The following OTOG variants were observed in gnomAD, a reference collection of about 807,000 sequenced individuals.
OTOG encodes the protein otogelin.
In OTOG, 296 loss-of-function variants were observed where a neutral mutation model predicts 313.8. That is an observed-to-expected ratio of 0.94 (90% CI 0.86 to 1.04). The LOEUF (loss-of-function observed/expected upper bound fraction) is 1.04. OTOG is among the 50% of genes least tolerant of loss of function. The pLI is 0.00. For synonymous variants in OTOG, 1,533 were observed against 1,554.9 expected, an observed-to-expected ratio of 0.99 and a Z score of 0.33; for missense variants, 3,948 against 3,840.1, an observed-to-expected ratio of 1.03 and a Z score of -0.74.
In OTOG at chr11:17,594,966, C is replaced by T. The variant is rs112268554; in HGVS notation, c.3408+800C>T. On this transcript the variant is annotated intron_variant, in intron 28 of 55. Coordinates refer to ENST00000399397, the MANE Select transcript of OTOG (RefSeq NM_001292063.2). ...GCTCAGCTGGAAGGAGGACTGTGAT[C>T]GATTATTTATGTCTGCCATAGGAGC... is the stretch of plus-strand genomic sequence containing the variant. Among the ~76,000 whole-genome samples the T allele has an allele frequency of 3.4e-3, 518 of 152,250 alleles. 3 individuals carry two copies. The highest frequency in any genetic ancestry group is 0.012 in the African/African-American group (487 of 41,524).
intron 23 of OTOG, among the ~76,000 whole-genome samples, chr11:17,584,272 T>G (rs545761996): frequency 6.6e-6 from 1 of 152,318 alleles, no homozygotes; most frequent in South Asian, 2.1e-4. Flanking sequence ...ACTTCTTTAT[T>G]TTAAATTTTT....
At chr11:17,548,233 G>A in intron 3 of OTOG, 21 bp downstream of exon 3, 1 of 1,534,770 alleles carries the variant, frequency 6.5e-7, no homozygotes, top group Non-Finnish European at 8.8e-7. Context: ...TCTTGGGAGG[G>A]GGCTTCATTG....
chr11:17,552,585 T>TGTCCTGTGTCC (rs1851964810), intron 4 of OTOG, among the ~76,000 whole-genome samples: 69 of 59,164 alleles, frequency 1.2e-3, no homozygotes, highest in African/African-American at 2.4e-3. Flanking sequence ...GTCCTGTGTC[T>TGTCCTGTGTCC]CCCACCTGTC....
intron 39 of OTOG, 101 bp from the exon 40 acceptor site, chr11:17,629,032 G>T: frequency 8.4e-7 from 1 of 1,193,836 alleles, no homozygotes; most frequent in South Asian, 1.5e-5. Context: ...CAGATGATGG[G>T]TGGATGGATG....
rs376082256 is a variant in OTOG, at chr11:17,612,079, G to A, written c.6124-83G>A. 55 of 1,485,754 alleles carry A rather than the reference G, an allele frequency of 3.7e-5. No individual in the cohort carries two copies. The East Asian group carries it at 4.2e-4, about 11-fold the overall frequency. 92.0% of individuals were successfully genotyped at this position (1,485,754 alleles called of 1,614,324 possible). A position where few individuals can be genotyped will look rare whatever the true frequency, so the allele number is the denominator to read the frequency against. ...CCTGCCCCGCTAGGACCTACATGTG[G>A]GAAGGATCTGGTGCCATCACAGCTT... On this transcript the variant is annotated intron_variant, in intron 36 of 55. Transcript: ENST00000399397.
chr11:17,609,828 A>C lies in OTOG; in HGVS notation c.4528A>C (p.Asn1510His). The C allele has an allele frequency of 6.5e-7, 1 of 1,531,704 alleles. No homozygotes were observed. The highest frequency in any genetic ancestry group is 8.8e-7 in the Non-Finnish European group (1 of 1,135,490). 94.9% of individuals were successfully genotyped at this position (1,531,704 alleles called of 1,614,324 possible). A position where few individuals can be genotyped will look rare whatever the true frequency, so the allele number is the denominator to read the frequency against. Reference protein sequence around the residue: ...TPAAPLTTALNPPVTATEEPV... With the variant: ...TPAAPLTTALHPPVTATEEPV... ...AGCTGCCCCACTCACCACAGCCCTG[A>C]ACCCACCAGTGACAGCCACTGAGGA... Residue 1510 changes from asparagine (N) to histidine (H), a missense_variant, in exon 36 of 56, where the codon AAC (asparagine) becomes CAC (histidine). Asn to His is a moderately conservative substitution (Grantham distance 68). Coordinates refer to ENST00000399397, the MANE Select transcript of OTOG (RefSeq NM_001292063.2).
chr11:17,549,012 C>T (rs1036749784), intron 3 of OTOG, among the ~76,000 whole-genome samples: 6 of 152,138 alleles, frequency 3.9e-5, no homozygotes, highest in Admixed American at 6.5e-5. Context: ...CCACTGAGCC[C>T]GGCCTCTATC....
At chr11:17,627,650 G>A (rs1466258868) in intron 39 of OTOG, among the ~76,000 whole-genome samples, 1 of 151,664 alleles carries the variant, frequency 6.6e-6, no homozygotes, top group Non-Finnish European at 1.5e-5. Flanking sequence ...AGTGTGAGTA[G>A]GATTGGTATT....
chr11:17,608,359 C>A lies in OTOG; in HGVS notation c.4220C>A (p.Pro1407His). 1.3e-6 allele frequency: 2 copies of A among 1,547,622 alleles called. No homozygotes were observed. The highest frequency in any genetic ancestry group is 2.4e-5 in the South Asian group (2 of 83,262). Residue 1407 changes from proline to histidine, a missense_variant, in exon 34 of 56, where the codon CCC (proline) becomes CAC (histidine). Physicochemically the swap from Pro to His is moderately conservative, Grantham distance 77 (BLOSUM62 -2). Transcript: ENST00000399397. Reference protein sequence around the residue: ...CEWRYDACASPCFQTCRDPRA... With the variant: ...CEWRYDACASHCFQTCRDPRA... ...TGGCGCTACGATGCCTGTGCCAGCCCCTGCTTCCAAACCTGCCGGGACCCA... is the reference window on the plus strand; with the variant it reads ...TGGCGCTACGATGCCTGTGCCAGCCACTGCTTCCAAACCTGCCGGGACCCA...
chr11:17,639,229 G>A (rs1847917026), intron 48 of OTOG, among the ~76,000 whole-genome samples, 194 bp from the exon 49 acceptor site: 1 of 152,180 alleles, frequency 6.6e-6, no homozygotes, highest in Admixed American at 6.5e-5. Context: ...AATCAGCAGA[G>A]CTGCAGGCCT....
At chr11:17,634,759 T>C (rs1854219506) in intron 44 of OTOG, 85 bp from the exon 45 acceptor site, 4 of 1,153,360 alleles carry the variant, frequency 3.5e-6, no homozygotes, top group Non-Finnish European at 3.7e-6. Context: ...CGTCCAGGGG[T>C]TGGGCAGTTG....
intron 31 of OTOG, among the ~76,000 whole-genome samples, chr11:17,601,273 A>G (rs1032617128): frequency 5.9e-5 from 9 of 152,084 alleles, no homozygotes; most frequent in Non-Finnish European, 8.8e-5. Context: ...CAACATTTGC[A>G]TGTGGCAGGA....
At chr11:17,638,784 A>C in intron 48 of OTOG, 1 of 1,515,692 alleles carries the variant, frequency 6.6e-7, no homozygotes, top group Non-Finnish European at 8.9e-7. Flanking sequence ...CCCATTCCAA[A>C]GAGGGTTTCC....
At chr11:17,642,712 G>T (rs1039451980) in intron 53 of OTOG, among the ~76,000 whole-genome samples, 11 of 152,144 alleles carry the variant, frequency 7.2e-5, no homozygotes, top group African/African-American at 2.7e-4. Context: ...CAGTATGGGC[G>T]CACCTCAGAG....
Position 17,587,658 on chromosome 11 carries a change from G to A in OTOG, c.2867+1077G>A, listed in dbSNP as rs970648990. 7.2e-5 allele frequency among the ~76,000 whole-genome samples: 11 copies of A among 152,184 alleles called. 1 individual carries two copies. Among genetic ancestry groups the A allele is most frequent in the Admixed American group, 6.5e-4 (10 of 15,286 alleles). ...AGCAGGGTCACGGTCAAGCCCATCTGCTCCAAGGCCGGTTTCTCCAGATAC... is the reference window on the plus strand; with the variant it reads ...AGCAGGGTCACGGTCAAGCCCATCTACTCCAAGGCCGGTTTCTCCAGATAC... On this transcript the variant is annotated intron_variant, in intron 24 of 55. Transcript: ENST00000399397.
Position 17,561,808 on chromosome 11 carries a change from G to A in OTOG, c.1644+1G>A, listed in dbSNP as rs748718245. 6.5e-7 allele frequency: 1 copy of A among 1,550,168 alleles called. No homozygotes were observed. Among genetic ancestry groups the A allele is most frequent in the South Asian group, 1.2e-5 (1 of 84,024 alleles). On this transcript the variant is annotated splice_donor_variant, in intron 15 of 55. Coordinates refer to ENST00000399397, the MANE Select transcript of OTOG (RefSeq NM_001292063.2). LOFTEE classifies it high-confidence loss of function. ...ATTGCAGAATGCCCCATGTGGCCTGGTAAGAGCTGGGGATCCCCAGGCCCG... is the reference window on the plus strand; with the variant it reads ...ATTGCAGAATGCCCCATGTGGCCTGATAAGAGCTGGGGATCCCCAGGCCCG...
rs1371166419 is a variant in OTOG, at chr11:17,599,652, C to T, written c.3683-19C>T. 5 of 1,550,484 alleles carry T rather than the reference C, an allele frequency of 3.2e-6. No homozygotes were observed. The highest frequency in any genetic ancestry group is 1.7e-4 in the Middle Eastern group (1 of 6,014). On this transcript the variant is annotated intron_variant, in intron 30 of 55. Coordinates refer to ENST00000399397, the MANE Select transcript of OTOG (RefSeq NM_001292063.2). ...GCTCTGGGCTGGCTCTCAGGAAGTT[C>T]CTGTTCTCTCTCTTTCAGCGTATGA...
Position 17,593,333 on chromosome 11 carries a change from G to A in OTOG, c.3141+6G>A. On this transcript the variant is annotated splice_donor_region_variant and intron_variant, in intron 26 of 55. Transcript: ENST00000399397. ...ATGATGACTCCGGAAATCCTGTAAG[G>A]CTCAGTGCCTGTGAAGGTTGTGTAG... is the stretch of plus-strand genomic sequence containing the variant. 6.4e-7 allele frequency: 1 copy of A among 1,550,466 alleles called. No homozygotes were observed. The highest frequency in any genetic ancestry group is 2.4e-5 in the East Asian group (1 of 40,926).
At chr11:17,629,974 T>TACAC (rs5789996) in intron 40 of OTOG, among the ~76,000 whole-genome samples, 2 of 150,366 alleles carry the variant, frequency 1.3e-5, no homozygotes, top group South Asian at 2.1e-4. Flanking sequence ...TAAAAACACT[T>TACAC]ACACACACAC....
Sources: gnomAD v4.1 joint callset for allele counts (sites outside exome capture counted in the v4.1 genomes callset) on GRCh38, gnomAD v4.1.1 for gene constraint, MANE v1.5 for transcripts, NCBI Gene and HGNC (gene_info 2026-07-23, HGNC 2026-07-21) for gene names.